The following TLN2 variants were observed in gnomAD, a reference collection of about 807,000 sequenced individuals.
TLN2 encodes talin 2.
In TLN2, 118 loss-of-function variants were observed where a neutral mutation model predicts 294.7. That is an observed-to-expected ratio of 0.40 (90% CI 0.34 to 0.47). The LOEUF is 0.47. TLN2 is among the 20% of genes least tolerant of loss of function. The pLI, the probability that TLN2 is intolerant of heterozygous loss-of-function variation, is 0.84. For synonymous variants in TLN2, 1,431 were observed against 1,304.5 expected, an observed-to-expected ratio of 1.10 and a Z score of -2.09; for missense variants, 3,083 against 3,282.2, an observed-to-expected ratio of 0.94 and a Z score of 1.48.
intron 1 of TLN2, among the ~76,000 whole-genome samples, chr15:62,565,390 G>T (rs1011383240): frequency 6.6e-6 from 1 of 152,122 alleles, no homozygotes; most frequent in Non-Finnish European, 1.5e-5. Flanking sequence ...TCTAAAAGAG[G>T]TTTCTGAAAT....
chr15:62,792,133 A>G (rs542022609), intron 45 of TLN2, among the ~76,000 whole-genome samples: 65 of 152,268 alleles, frequency 4.3e-4, no homozygotes, highest in Middle Eastern at 3.4e-3. Flanking sequence ...AAACATACCA[A>G]TTTTGCAAGA....
chr15:62,476,287 A>C (rs1444455165), intron 1 of TLN2: 2 of 152,208 alleles, frequency 1.3e-5, no homozygotes, highest in Non-Finnish European at 2.9e-5. Context: ...TGACACGGCT[A>C]CCTGCACTGA....
intron 54 of TLN2, chr15:62,828,447 A>G (rs142361822): frequency 2.0e-5 from 3 of 152,400 alleles, no homozygotes; most frequent in African/African-American, 7.2e-5. Context: ...TAGGCAGAGT[A>G]GAAGCTTAGT....
Position 62,582,246 on chromosome 15 carries a change from A to ACACACACACACACACACACCCC in TLN2, c.-237-7439_-237-7438insCACACACACACACACACCCCCA, listed in dbSNP as rs764248336. Among the ~76,000 whole-genome samples, 666 of 137,280 alleles carry ACACACACACACACACACACCCC rather than the reference A, an allele frequency of 4.9e-3. 16 individuals are homozygous for ACACACACACACACACACACCCC. The highest frequency in any genetic ancestry group is 0.012 in the East Asian group (54 of 4,330). The allele number at this position is 137,280 out of a possible 152,430, so 90.1% of individuals were successfully genotyped here. On this transcript the variant is annotated intron_variant, in intron 1 of 58. Transcript: ENST00000636159. ...CACACACACACACACACACACACAC[A>ACACACACACACACACACACCCC]CATTCATGCCTGACCCATTCCTGAC...
chr15:62,776,444 T>G (rs190322212), intron 42 of TLN2, among the ~76,000 whole-genome samples: 28 of 152,334 alleles, frequency 1.8e-4, no homozygotes, highest in Non-Finnish European at 3.1e-4. Flanking sequence ...ATGTATCAAC[T>G]TGTATATTTA....
In TLN2 at chr15:62,710,367, G is replaced by A. The variant is rs539872898; in HGVS notation, c.2468-1544G>A. ...AAGAGATCTATTTTTGTGCTTCCTT[G>A]CCAGCATAGAACAATACCTTATAAC... On this transcript the variant is annotated intron_variant, in intron 21 of 58. Transcript: ENST00000636159. Among the ~76,000 whole-genome samples the A allele has an allele frequency of 3.3e-5, 5 of 152,234 alleles. No individual in the cohort carries two copies. In the South Asian group the frequency reaches 1.0e-3, roughly 32 times the overall value.
intron 11 of TLN2, among the ~76,000 whole-genome samples, chr15:62,677,971 T>G (rs1182632135): frequency 6.6e-6 from 1 of 151,832 alleles, no homozygotes; most frequent in Non-Finnish European, 1.5e-5. Flanking sequence ...AATTCTGTAT[T>G]TTTGATAAAG....
intron 2 of TLN2, 132 bp from the exon 3 acceptor site, chr15:62,618,219 A>T (rs2048473387): frequency 1.3e-5 from 2 of 152,060 alleles, no homozygotes; most frequent in South Asian, 4.1e-4. Flanking sequence ...TAGTTTGAAC[A>T]TTTTCTCCTA....
At chr15:62,412,580 T>C (rs1200922501) in intron 1 of TLN2, among the ~76,000 whole-genome samples, 2 of 152,238 alleles carry the variant, frequency 1.3e-5, no homozygotes, top group East Asian at 3.8e-4. Context: ...ACCTTCTTCC[T>C]GTCCCTGGGT....
intron 2 of TLN2, among the ~76,000 whole-genome samples, chr15:62,593,166 T>A (rs1474544153): frequency 6.6e-6 from 1 of 152,216 alleles, no homozygotes; most frequent in Non-Finnish European, 1.5e-5. Context: ...GAGAAGTTGT[T>A]CCATGCTTCC....
At chr15:62,550,445 A>G (rs2042234544) in intron 1 of TLN2, among the ~76,000 whole-genome samples, 2 of 152,152 alleles carry the variant, frequency 1.3e-5, no homozygotes, top group Admixed American at 1.3e-4. Context: ...TAGCTCAGTG[A>G]TTTTGGAATG....
chr15:62,702,167 C>A lies in TLN2; in HGVS notation c.1872C>A (p.Asp624Glu), dbSNP rs751288960. The A allele has an allele frequency of 7.2e-5, 116 of 1,609,638 alleles. 1 individual carries two copies. In the South Asian group the frequency reaches 8.7e-4, roughly 12 times the overall value. ...GGACCCTCGCTGGGGCGGTGTCAGA[C>A]TTGCTGAAAGCTGTGCAGCCTACTT... ...AARTLAGAVS[D>E]LLKAVQPTSG... Residue 624 changes from aspartate to glutamate, a missense_variant, in exon 18 of 59, where the codon GAC becomes GAA. Physicochemically the swap from Asp to Glu is conservative, Grantham distance 45. Transcript: ENST00000636159.
chr15:62,734,352 A>G (rs2060891134), intron 28 of TLN2, among the ~76,000 whole-genome samples: 1 of 152,210 alleles, frequency 6.6e-6, no homozygotes, highest in East Asian at 1.9e-4. Flanking sequence ...CACAGCCTAG[A>G]ATCTGCAATG....
intron 1 of TLN2, among the ~76,000 whole-genome samples, chr15:62,572,322 C>A (rs1252424025): frequency 6.6e-6 from 1 of 152,096 alleles, no homozygotes; most frequent in African/African-American, 2.4e-5. Flanking sequence ...CTCACTGTAA[C>A]CTCGACCTCC....
intron 1 of TLN2, among the ~76,000 whole-genome samples, chr15:62,464,875 C>A (rs1281726642): frequency 6.6e-6 from 1 of 152,284 alleles, no homozygotes. Flanking sequence ...GGGGAGGGCT[C>A]ATGACTAAAT....
In TLN2 at chr15:62,820,639, G is replaced by C. The variant is rs200136697; in HGVS notation, c.7002+29G>C. ...AGTGTTCATTTATGGTTGGCTGTCC[G>C]ATGTCAGTGGGTTCTTCCAGTGGGT... is the stretch of plus-strand genomic sequence containing the variant. On this transcript the variant is annotated intron_variant, in intron 54 of 58. Transcript: ENST00000636159. 3.1e-6 allele frequency: 5 copies of C among 1,603,856 alleles called. No homozygotes were observed. In the Middle Eastern group the frequency reaches 5.1e-4, roughly 163 times the overall value.
chr15:62,748,980 G>A (rs926858759), intron 33 of TLN2, among the ~76,000 whole-genome samples: 1 of 152,238 alleles, frequency 6.6e-6, no homozygotes, highest in African/African-American at 2.4e-5. Context: ...CAGTGTGGGT[G>A]CTTTTCATTT....
rs2068007147 is a variant in TLN2 at position 62,825,752 on chromosome 15, TA to T, written c.7002+5143del. ...AAAATATATTTTTATATATATTAAATATAATTATAATTATATATTATATAAT... is the reference window on the plus strand; with the variant it reads ...AAAATATATTTTTATATATATTAAATTAATTATAATTATATATTATATAAT... On this transcript the variant is annotated intron_variant, in intron 54 of 58. Transcript: ENST00000636159. 2.9e-5 allele frequency among the ~76,000 whole-genome samples: 3 copies of T among 102,020 alleles called. 1 individual carries two copies. Among genetic ancestry groups the T allele is most frequent in the African/African-American group, 1.4e-4 (3 of 21,384 alleles). 66.9% of individuals were successfully genotyped at this position (102,020 alleles called of 152,430 possible). A position where few individuals can be genotyped will look rare whatever the true frequency, so the allele number is the denominator to read the frequency against.
intron 26 of TLN2, 93 bp from the exon 27 acceptor site, chr15:62,724,883 G>T: frequency 6.9e-7 from 1 of 1,450,760 alleles, no homozygotes; most frequent in Non-Finnish European, 9.2e-7. Flanking sequence ...GAATCACTGG[G>T]TATATCCAGA....
Sources: gnomAD v4.1 joint callset for allele counts (sites outside exome capture counted in the v4.1 genomes callset) on GRCh38, gnomAD v4.1.1 for gene constraint, MANE v1.5 for transcripts, NCBI Gene and HGNC (gene_info 2026-07-23, HGNC 2026-07-21) for gene names.